NLRP13: variants seen among roughly 807,000 people sequenced by gnomAD.
NLRP13 encodes NACHT, LRR and PYD domains-containing protein 13.
In NLRP13, 82 loss-of-function variants were observed where a neutral mutation model predicts 94.4. That is an observed-to-expected ratio of 0.87 (90% CI 0.73 to 1.04). NLRP13 has a LOEUF of 1.04. Ranked by LOEUF, NLRP13 falls within the 50% of genes least tolerant of loss-of-function variation. The probability of loss-of-function intolerance (pLI) is 0.00; values close to 1 mark genes in which losing one functional copy is unlikely to be tolerated. For synonymous variants in NLRP13, 553 were observed against 464.7 expected, an observed-to-expected ratio of 1.19 and a Z score of -2.45; for missense variants, 1,426 against 1,230.8, an observed-to-expected ratio of 1.16 and a Z score of -2.37.
rs1029076686 is a variant in NLRP13, at chr19:55,917,441, C to T, written c.524-4148G>A. 2.0e-5 allele frequency among the ~76,000 whole-genome samples: 3 copies of T among 152,024 alleles called. No homozygotes were observed. The East Asian group carries it at 5.8e-4, about 29-fold the overall frequency. ...AAGGTCATATATCAATATTAACCTT[C>T]AATATACATGGATTAAATGCGCTTC... On this transcript the variant is annotated intron_variant, in intron 4 of 10. Transcript: ENST00000342929.
intron 9 of NLRP13, 65 bp downstream of exon 9, chr19:55,901,970 A>G: frequency 1.3e-6 from 2 of 1,538,274 alleles, no homozygotes; most frequent in South Asian, 1.2e-5. Context: ...GAACTCAGGC[A>G]TTGGTGGGTC....
At chr19:55,917,131 A>G (rs1986693937) in intron 4 of NLRP13, among the ~76,000 whole-genome samples, 1 of 152,252 alleles carries the variant, frequency 6.6e-6, no homozygotes, top group Middle Eastern at 3.4e-3. Context: ...AAGCTTTATA[A>G]ATGAAGAAAT....
intron 9 of NLRP13, among the ~76,000 whole-genome samples, chr19:55,900,116 A>G (rs1003360163): frequency 6.6e-6 from 1 of 152,208 alleles, no homozygotes; most frequent in African/African-American, 2.4e-5. Flanking sequence ...ATTATTCCAC[A>G]TTGTATTCAT....
rs922108885 is a variant in NLRP13 at position 55,910,462 on chromosome 19, T to G, written c.2282+101A>C. On this transcript the variant is annotated intron_variant, in intron 6 of 10. Coordinates refer to ENST00000342929, the MANE Select transcript of NLRP13 (RefSeq NM_176810.2). ...AGTTTATTTTATCCTCCTGAGCACG[T>G]AGCTTGCCTTCTGGCAAATAGTCAA... 1.1e-5 allele frequency: 13 copies of G among 1,145,024 alleles called. No individual in the cohort carries two copies. In the Admixed American group the frequency reaches 3.1e-4, roughly 27 times the overall value. 70.9% of individuals were successfully genotyped at this position (1,145,024 alleles called of 1,614,324 possible). A position where few individuals can be genotyped will look rare whatever the true frequency, so the allele number is the denominator to read the frequency against.
intron 4 of NLRP13, among the ~76,000 whole-genome samples, chr19:55,920,541 T>C (rs1359382686): frequency 1.3e-5 from 2 of 148,836 alleles, no homozygotes; most frequent in Non-Finnish European, 3.0e-5. Flanking sequence ...TCAAGAAACA[T>C]GTAAAAAAAA....
chr19:55,906,463 A>C, intron 7 of NLRP13, among the ~76,000 whole-genome samples: 1 of 152,090 alleles, frequency 6.6e-6, no homozygotes, highest in East Asian at 1.9e-4. Flanking sequence ...CCCAAAACCT[A>C]CCCACTGCCA....
At chr19:55,928,966 G>C (rs145742438) in intron 1 of NLRP13, among the ~76,000 whole-genome samples, 5 of 152,152 alleles carry the variant, frequency 3.3e-5, no homozygotes, top group African/African-American at 7.2e-5. Context: ...AAAAGTGGGC[G>C]AAGTATATGA....
chr19:55,925,487 A>G (rs1025029781), intron 1 of NLRP13, among the ~76,000 whole-genome samples: 1 of 152,142 alleles, frequency 6.6e-6, no homozygotes, highest in African/African-American at 2.4e-5. Context: ...GTCTAGGGAG[A>G]TGGCTAGTCT....
intron 4 of NLRP13, among the ~76,000 whole-genome samples, chr19:55,917,473 G>C (rs114639541): frequency 0.021 from 3,178 of 151,966 alleles, 103 homozygotes; most frequent in African/African-American, 0.07. Flanking sequence ...CTTCTTAAAA[G>C]ATATAAATTG....
intron 1 of NLRP13, among the ~76,000 whole-genome samples, chr19:55,927,974 A>G (rs373707): frequency 0.65 from 99,442 of 152,002 alleles, 33,371 homozygotes; most frequent in East Asian, 0.83. Context: ...ATATCCCACA[A>G]CACTGGTCAA....
downstream of NLRP13, among the ~76,000 whole-genome samples, chr19:55,895,675 A>C (rs972369080): frequency 3.3e-5 from 5 of 152,106 alleles, no homozygotes; most frequent in African/African-American, 1.2e-4. Flanking sequence ...AGAGCGAGAC[A>C]CTGTCTCAAA....
chr19:55,927,369 GAA>G (rs35906975), intron 1 of NLRP13, among the ~76,000 whole-genome samples: 2,928 of 123,938 alleles, frequency 0.024, 83 homozygotes, highest in African/African-American at 0.073. Flanking sequence ...CTCCATCTAG[GAA>G]AAAAAAAAAA....
downstream of NLRP13, among the ~76,000 whole-genome samples, chr19:55,892,409 A>G (rs1306144510): frequency 6.6e-6 from 1 of 152,000 alleles, no homozygotes; most frequent in Non-Finnish European, 1.5e-5. Flanking sequence ...ATATTCATAT[A>G]CATACACACA....
chr19:55,920,134 AGAATAAAACTG>A (rs768355661), intron 4 of NLRP13, among the ~76,000 whole-genome samples: 7 of 152,218 alleles, frequency 4.6e-5, no homozygotes, highest in African/African-American at 7.2e-5. Context: ...CATATGTAGA[AGAATAAAACTG>A]GACCATATCT....
downstream of NLRP13, chr19:55,895,937 AGT>A (rs1254019484): frequency 6.2e-7 from 1 of 1,613,166 alleles, no homozygotes; most frequent in Admixed American, 1.7e-5. Context: ...CAGAAAAGTC[AGT>A]GAGGTTTACC....
intron 6 of NLRP13, among the ~76,000 whole-genome samples, chr19:55,908,939 C>G (rs902358982): frequency 6.6e-6 from 1 of 152,214 alleles, no homozygotes; most frequent in African/African-American, 2.4e-5. Context: ...ATGAAGGCCA[C>G]AGCCCCCTCT....
In NLRP13 at chr19:55,899,079, C is replaced by T. The variant is rs142514846; in HGVS notation, c.2790-142G>A. Reference sequence around the variant, plus strand: ...TCCCAAGCCTCGAAGGAGGAGGGTGCGAGTCAGGAGGGCCGAGACACCTCC... The same window carrying T: ...TCCCAAGCCTCGAAGGAGGAGGGTGTGAGTCAGGAGGGCCGAGACACCTCC... On this transcript the variant is annotated intron_variant, in intron 9 of 10. Transcript: ENST00000342929. 178 of 856,352 alleles carry T rather than the reference C, an allele frequency of 2.1e-4. 1 individual carries two copies. The highest frequency in any genetic ancestry group is 1.9e-3 in the African/African-American group (113 of 58,380). The allele number at this position is 856,352 out of a possible 1,614,324, so 53.0% of individuals were successfully genotyped here.
rs776649120 is a variant in NLRP13, at chr19:55,932,168, G to C, written c.144C>G (p.Pro48=). The C allele has an allele frequency of 3.1e-6, 5 of 1,614,078 alleles. No homozygotes were observed. In the East Asian group the frequency reaches 1.1e-4, roughly 36 times the overall value. ...AGGGGATACGCGGGAAGTGCCCCTGGGGGGCCGACCAGAAGTCCATCAGCT... is the reference window on the plus strand; with the variant it reads ...AGGGGATACGCGGGAAGTGCCCCTGCGGGGCCGACCAGAAGTCCATCAGCT... ...PQQLMDFWSA[P]QGHFPRIPWA... Residue 48 remains proline (P), a synonymous_variant, in exon 1 of 11, where the codon CCC becomes CCG. Coordinates refer to ENST00000342929, the MANE Select transcript of NLRP13 (RefSeq NM_176810.2).
rs1342715405 is a variant in NLRP13, at chr19:55,913,559, A to G, written c.524-266T>C. Among the ~76,000 whole-genome samples the G allele has an allele frequency of 2.1e-4, 32 of 149,920 alleles. 1 individual carries two copies. Among genetic ancestry groups the G allele is most frequent in the African/African-American group, 6.8e-4 (28 of 40,972 alleles). ...GTGAGACTCCGTCTCAAAAAAAAAA[A>G]AAAAAAAAAAAAGTTGCAAAATATG... On this transcript the variant is annotated intron_variant, in intron 4 of 10. Coordinates refer to ENST00000342929, the MANE Select transcript of NLRP13 (RefSeq NM_176810.2).
Sources: gnomAD v4.1 joint callset for allele counts (sites outside exome capture counted in the v4.1 genomes callset) on GRCh38, gnomAD v4.1.1 for gene constraint, MANE v1.5 for transcripts, NCBI Gene and HGNC (gene_info 2026-07-23, HGNC 2026-07-21) for gene names.